The following PIGN variants were observed in gnomAD, a reference collection of about 807,000 sequenced individuals.
The protein encoded by PIGN is GPI ethanolamine phosphate transferase 1.
Under a neutral mutation model 125.4 loss-of-function variants are expected in PIGN, and 117 were observed. The ratio of observed to expected loss-of-function variants is 0.93; its 90% CI spans 0.80 to 1.09. The LOEUF (loss-of-function observed/expected upper bound fraction) is 1.09, where lower values mean the gene tolerates loss of function less well. PIGN is among the 50% of genes least tolerant of loss of function. PIGN has a pLI of 0.00. For synonymous variants in PIGN, 392 were observed against 377.8 expected (o/e 1.04, Z -0.44); for missense variants, 1,075 against 1,094.9 (o/e 0.98, Z 0.26).
At chr18:62,135,015 G>A (rs1269705740) in intron 14 of PIGN, among the ~76,000 whole-genome samples, 2 of 152,060 alleles carry the variant, frequency 1.3e-5, no homozygotes, top group African/African-American at 4.8e-5. Flanking sequence ...TTAGTTTGAG[G>A]TCCACTCACT....
intron 22 of PIGN, among the ~76,000 whole-genome samples, chr18:62,096,625 C>T (rs62095309): frequency 8.8e-6 from 1 of 113,926 alleles, no homozygotes; most frequent in African/African-American, 3.7e-5. Context: ...TGGTGCGCTG[C>T]ACCCACTAAT....
At chr18:62,047,423 T>C (rs1023255772) in intron 30 of PIGN, among the ~76,000 whole-genome samples, 3 of 152,286 alleles carry the variant, frequency 2.0e-5, no homozygotes, top group African/African-American at 7.2e-5. Context: ...GGAGGCCTAG[T>C]GGAGAGCCAG....
chr18:62,093,645 G>C (rs1319808796), intron 23 of PIGN, among the ~76,000 whole-genome samples: 1 of 152,096 alleles, frequency 6.6e-6, no homozygotes, highest in East Asian at 1.9e-4. Flanking sequence ...ATTAAGTGCT[G>C]ATTAAAAATG....
At chr18:62,029,317 A>G (rs935392207) in intron 23 of PIGN, among the ~76,000 whole-genome samples, 1 of 151,876 alleles carries the variant, frequency 6.6e-6, no homozygotes, top group African/African-American at 2.4e-5. Context: ...AGCCTTTCTC[A>G]CCACCTGCAA....
At chr18:62,147,924 T>A (rs2036393902) in intron 8 of PIGN, among the ~76,000 whole-genome samples, 1 of 152,122 alleles carries the variant, frequency 6.6e-6, no homozygotes, top group African/African-American at 2.4e-5. Flanking sequence ...TGAAAATATT[T>A]CTAAAATATA....
intron 7 of PIGN, among the ~76,000 whole-genome samples, chr18:62,152,896 A>G (rs1442687118): frequency 6.6e-6 from 1 of 152,088 alleles, no homozygotes; most frequent in Admixed American, 6.5e-5. Flanking sequence ...AGTTACAAAA[A>G]AACAGGTGAG....
At chr18:62,102,567 C>A (rs983258623) in intron 21 of PIGN, among the ~76,000 whole-genome samples, 1 of 150,142 alleles carries the variant, frequency 6.7e-6, no homozygotes, top group Admixed American at 6.7e-5. Context: ...TTTCCATAAC[C>A]TCTGCTCTTC....
intron 27 of PIGN, 55 bp from the exon 28 acceptor site, chr18:62,082,801 T>C: frequency 1.1e-6 from 1 of 901,442 alleles, no homozygotes; most frequent in Non-Finnish European, 1.7e-6. Flanking sequence ...GAAACACTTT[T>C]TGAAAAAAAT....
At chr18:62,050,152 C>G (rs1432014744) in intron 30 of PIGN, among the ~76,000 whole-genome samples, 1 of 152,054 alleles carries the variant, frequency 6.6e-6, no homozygotes, top group Non-Finnish European at 1.5e-5. Flanking sequence ...CAGCTTTGTT[C>G]TTTTGGCTTA....
rs2034812064 is a variant in PIGN at position 62,109,985 on chromosome 18, A to G, written c.1435-12T>C. On this transcript the variant is annotated splice_polypyrimidine_tract_variant and intron_variant, in intron 16 of 30. Coordinates refer to ENST00000640252, the MANE Select transcript of PIGN (RefSeq NM_176787.5). ...AGATGGCTTGGTTTCTGAAAAATCA[A>G]ACAAAACATTGAAACACTTCCAAAC... The G allele has an allele frequency of 6.2e-7, 1 of 1,612,890 alleles. No individual in the cohort carries two copies. The highest frequency in any genetic ancestry group is 8.5e-7 in the Non-Finnish European group (1 of 1,179,198).
chr18:62,103,113 C>T (rs928125103), intron 20 of PIGN, among the ~76,000 whole-genome samples: 1 of 152,066 alleles, frequency 6.6e-6, no homozygotes, highest in Non-Finnish European at 1.5e-5. Flanking sequence ...GATAAAGATA[C>T]TGCTGGATGG....
intron 30 of PIGN, among the ~76,000 whole-genome samples, chr18:62,070,969 G>A (rs2032811743): frequency 6.6e-6 from 1 of 151,850 alleles, no homozygotes; most frequent in Non-Finnish European, 1.5e-5. Context: ...CTGCACTCGG[G>A]TAATTTTTTT....
Position 62,161,263 on chromosome 18 carries a change from C to T in PIGN, c.91G>A (p.Gly31Arg), listed in dbSNP as rs1171456931. 6.2e-7 allele frequency: 1 copy of T among 1,613,588 alleles called. No individual in the cohort carries two copies. The highest frequency in any genetic ancestry group is 8.5e-7 in the Non-Finnish European group (1 of 1,179,736). The change falls in exon 4 of 31, where the codon GGA becomes AGA. Residue 31 changes from glycine (G) to arginine (R), a missense_variant. By Grantham distance (125) the Gly-to-Arg change is moderately radical. Transcript: ENST00000640252. Reference protein sequence around the residue: ...DIYFTSPLVHGMTPQFTPLPP... With the variant: ...DIYFTSPLVHRMTPQFTPLPP... ...AATGGTGTAAACTGAGGAGTCATTC[C>T]ATGAACCAAAGGAGATGTAAAATAA...
intron 1 of PIGN, among the ~76,000 whole-genome samples, chr18:62,169,791 T>C (rs912341413): frequency 2.0e-5 from 3 of 151,924 alleles, no homozygotes; most frequent in Admixed American, 6.6e-5. Flanking sequence ...AGCTAAGTTT[T>C]AAATTTTTCG....
chr18:62,099,440 A>G (rs1442548573), intron 22 of PIGN, among the ~76,000 whole-genome samples: 1 of 152,162 alleles, frequency 6.6e-6, no homozygotes, highest in East Asian at 1.9e-4. Context: ...ACAGAAATAG[A>G]AAAAATCCTA....
intron 1 of PIGN, among the ~76,000 whole-genome samples, chr18:62,182,380 A>G (rs755015128): frequency 1.3e-5 from 2 of 152,226 alleles, no homozygotes; most frequent in Non-Finnish European, 2.9e-5. Context: ...AGCCTTGTCT[A>G]CTACCTACTA....
At position 62,045,677 on chromosome 18, in the gene PIGN, G is replaced by GAA. The variant is rs3833870; in HGVS notation, c.*177_*178dup. On this transcript the variant is annotated 3_prime_UTR_variant, in exon 31 of 31. Transcript: ENST00000640252. ...CACTATTTCATGCCTGCAAAACCTAGAAAAAAAAAGAAGCTCCTTTGTTCC... is the reference window on the plus strand; with the variant it reads ...CACTATTTCATGCCTGCAAAACCTAGAAAAAAAAAAAGAAGCTCCTTTGTTCC... 8.1e-3 allele frequency: 3,669 copies of GAA among 453,180 alleles called. No homozygotes were observed. The highest frequency in any genetic ancestry group is 0.013 in the East Asian group (339 of 26,120). 28.1% of individuals were successfully genotyped at this position (453,180 alleles called of 1,614,324 possible).
At chr18:62,103,177 T>A (rs1289015956) in intron 20 of PIGN, among the ~76,000 whole-genome samples, 2 of 152,192 alleles carry the variant, frequency 1.3e-5, no homozygotes, top group Non-Finnish European at 2.9e-5. Flanking sequence ...CTTGCTTCTA[T>A]AATTTAATTT....
intron 14 of PIGN, among the ~76,000 whole-genome samples, chr18:62,125,675 T>C (rs1243209336): frequency 6.6e-6 from 1 of 152,078 alleles, no homozygotes; most frequent in East Asian, 1.9e-4. Flanking sequence ...CATAATCATA[T>C]AAAAATCTTT....
Sources: allele counts gnomAD v4.1 joint callset (sites outside exome capture counted in the v4.1 genomes callset), GRCh38; gene constraint gnomAD v4.1.1; transcripts MANE v1.5; gene names NCBI Gene and HGNC (gene_info 2026-07-23, HGNC 2026-07-21).